DBNDD1: variants seen among roughly 807,000 people sequenced by gnomAD.
DBNDD1 encodes the protein dysbindin domain-containing protein 1.
In DBNDD1, 14 loss-of-function variants were observed where a neutral mutation model predicts 17.0. The observed-to-expected ratio is 0.82, with a 90% CI of 0.54 to 1.29. DBNDD1 has a LOEUF of 1.29. Among genes scored for constraint, DBNDD1 ranks in the 50% most tolerant of loss-of-function variants. The pLI is 0.00. For missense variants in DBNDD1, 221 were observed against 216.2 expected, an observed-to-expected ratio of 1.02 and a Z score of -0.14; for synonymous variants, 105 against 102.0, an observed-to-expected ratio of 1.03 and a Z score of -0.18.
At chr16:90,013,828 C>T (rs1057199351) in intron 1 of DBNDD1, among the ~76,000 whole-genome samples, 3 of 140,572 alleles carry the variant, frequency 2.1e-5, no homozygotes, top group Non-Finnish European at 4.6e-5. Context: ...GTGAGCAGTG[C>T]GGGGCTGTGC....
intron 1 of DBNDD1, among the ~76,000 whole-genome samples, chr16:90,015,259 T>G (rs180736889): frequency 1.3e-5 from 2 of 152,276 alleles, no homozygotes; most frequent in Admixed American, 1.3e-4. Flanking sequence ...ACGAATTTTT[T>G]GGCCAGAAGA....
Position 90,009,342 on chromosome 16 carries a change from C to T in DBNDD1, c.120G>A (p.Glu40=), listed in dbSNP as rs199893398. ...TGDNGHTPVE[E]EVGGIPVPAP... ...CTGGTACTGGGATGCCCCCGACCTC[C>T]TCCTCCACAGGCGTGTGGCCATTGT... Residue 40 remains glutamate, a synonymous_variant, in exon 2 of 4, where the codon GAG becomes GAA. Transcript: ENST00000002501. 5.6e-6 allele frequency: 9 copies of T among 1,613,490 alleles called. No individual in the cohort carries two copies. Among genetic ancestry groups the T allele is most frequent in the Non-Finnish European group, 6.8e-6 (8 of 1,180,026 alleles).
Position 90,005,987 on chromosome 16 carries a change from A to G in DBNDD1, c.*348T>C, listed in dbSNP as rs1487439625. 1.3e-5 allele frequency: 3 copies of G among 228,200 alleles called. No individual in the cohort carries two copies. Among genetic ancestry groups the G allele is most frequent in the Non-Finnish European group, 2.7e-5 (3 of 110,292 alleles). The allele number at this position is 228,200 out of a possible 1,614,324, so 14.1% of individuals were successfully genotyped here. On this transcript the variant is annotated 3_prime_UTR_variant, in exon 4 of 4. Transcript: ENST00000002501. ...GCCGCCGTGGGCCACTCCATTCCTC[A>G]GCACGTTCCTGGCAGTGACTCCGTG...
Position 90,009,292 on chromosome 16 carries a change from TC to T in DBNDD1, c.169del (p.Glu57ArgfsTer6), listed in dbSNP as rs779907376. On this transcript the variant is annotated frameshift_variant, in exon 2 of 4. Transcript: ENST00000002501. LOFTEE classifies it high-confidence loss of function. Reference protein sequence around the residue: ...VPAPGLLQVTERRQPLSSVSS... With the variant: ...VPAPGLLQVTXRRQPLSSVSS... ...CAGGGAGCAGTACTTACGCCTCCTC[TC>T]CGTGACCTGCAGGAGCCCCGGTGCT... 6.2e-7 allele frequency: 1 copy of T among 1,613,302 alleles called. No homozygotes were observed. The highest frequency in any genetic ancestry group is 1.1e-5 in the South Asian group (1 of 91,070).
At position 90,006,298 on chromosome 16, in the gene DBNDD1, C is replaced by T; in HGVS notation, c.*37G>A. On this transcript the variant is annotated 3_prime_UTR_variant, in exon 4 of 4. Coordinates refer to ENST00000002501, the MANE Select transcript of DBNDD1 (RefSeq NM_001042610.3). Reference sequence around the variant, plus strand: ...GCCCAGATCTGCCATCGTGTTCGGACCCCATCCCTGCAGGAGCTGGGGCAG... The same window carrying T: ...GCCCAGATCTGCCATCGTGTTCGGATCCCATCCCTGCAGGAGCTGGGGCAG... The T allele has an allele frequency of 6.3e-7, 1 of 1,579,552 alleles. No individual in the cohort carries two copies. The highest frequency in any genetic ancestry group is 2.3e-5 in the East Asian group (1 of 43,870).
At chr16:90,011,548 C>G (rs1015855011) in intron 1 of DBNDD1, 6 of 409,562 alleles carry the variant, frequency 1.5e-5, no homozygotes, top group Non-Finnish European at 2.5e-5. Context: ...CCCCTCGCCC[C>G]GTCGGCCGTG....
intron 1 of DBNDD1, among the ~76,000 whole-genome samples, chr16:90,011,212 T>A (rs1253393622): frequency 6.6e-6 from 1 of 152,220 alleles, no homozygotes; most frequent in East Asian, 1.9e-4. Flanking sequence ...GCCATGAGGC[T>A]CTTGCTGAGG....
At chr16:90,016,856 A>G (rs1232444200) in intron 1 of DBNDD1, among the ~76,000 whole-genome samples, 2 of 152,242 alleles carry the variant, frequency 1.3e-5, no homozygotes, top group Non-Finnish European at 2.9e-5. Flanking sequence ...GAATGAATGA[A>G]TATCATAAAA....
chr16:90,019,812 G>A (rs935208020), upstream of DBNDD1: 114 of 688,866 alleles, frequency 1.7e-4, no homozygotes, highest in Non-Finnish European at 2.6e-4. This position sits in a 1 kb window ranked among gnomAD's most constrained non-coding sequence, Gnocchi z 6.1. Context: ...CGCCCCTCGG[G>A]GCTGGCGAGG....
At chr16:90,009,044 C>G (rs2035498400) in intron 2 of DBNDD1, 120 bp from the exon 3 acceptor site, 1 of 1,339,836 alleles carries the variant, frequency 7.5e-7, no homozygotes, top group East Asian at 2.5e-5. Flanking sequence ...ACCACAGCTT[C>G]CTGCAAAGCC....
chr16:90,011,346 C>T lies in DBNDD1; in HGVS notation c.32-1916G>A, dbSNP rs141655235. Among the ~76,000 whole-genome samples, 41 of 152,322 alleles carry T rather than the reference C, an allele frequency of 2.7e-4. No individual in the cohort carries two copies. The East Asian group carries it at 7.7e-3, about 29-fold the overall frequency. On this transcript the variant is annotated intron_variant, in intron 1 of 3. Transcript: ENST00000002501. Reference sequence around the variant, plus strand: ...GCCTGGAGCGTCCGTCCCGGTGCACCCCCACCCCTCCCCAGCAGAGCCAAG... The same window carrying T: ...GCCTGGAGCGTCCGTCCCGGTGCACTCCCACCCCTCCCCAGCAGAGCCAAG...
In DBNDD1 at chr16:90,006,066, G is replaced by T; in HGVS notation, c.*269C>A. 2.3e-6 allele frequency: 1 copy of T among 442,128 alleles called. No homozygotes were observed. Among genetic ancestry groups the T allele is most frequent in the Non-Finnish European group, 4.2e-6 (1 of 238,208 alleles). 27.4% of individuals were successfully genotyped at this position (442,128 alleles called of 1,614,324 possible). A position where few individuals can be genotyped will look rare whatever the true frequency, so the allele number is the denominator to read the frequency against. On this transcript the variant is annotated 3_prime_UTR_variant, in exon 4 of 4. Coordinates refer to ENST00000002501, the MANE Select transcript of DBNDD1 (RefSeq NM_001042610.3). ...AACGAGCTGGACGTAAGGCCACTGG[G>T]CTGTGCTTGTGCTGGGGCTCCCAGA...
chr16:90,006,376 G>C lies in DBNDD1; in HGVS notation c.436C>G (p.Leu146Val). The C allele has an allele frequency of 2.5e-6, 4 of 1,609,220 alleles. No individual in the cohort carries two copies. The highest frequency in any genetic ancestry group is 3.4e-6 in the Non-Finnish European group (4 of 1,179,674). Residue 146 changes from leucine to valine, a missense_variant, in exon 4 of 4, where the codon CTG becomes GTG. Physicochemically the swap from Leu to Val is conservative, Grantham distance 32 (BLOSUM62 1). Transcript: ENST00000002501. ...LGDPERQATV[L>V]DTFLTVERPQ... ...CTCTCCACAGTGAGAAACGTGTCCA[G>C]GACTGTGGCCTGCCGCTCGGGGTCG...
chr16:90,011,502 G>C (rs1364263345), intron 1 of DBNDD1: 1 of 369,514 alleles, frequency 2.7e-6, no homozygotes, highest in Admixed American at 3.1e-5. Flanking sequence ...CGAGTGTTAG[G>C]CTGTGCCTGG....
At chr16:90,019,478 G>A, upstream of DBNDD1, 1 of 250,310 alleles carries the variant, frequency 4.0e-6, no homozygotes, top group Non-Finnish European at 6.5e-6. This position sits in a 1 kb window ranked among gnomAD's most constrained non-coding sequence, Gnocchi z 6.1. Context: ...CGCGGCGGCA[G>A]GGAGGAGCCC....
upstream of DBNDD1, chr16:90,019,645 G>C (rs2035740461): frequency 2.3e-6 from 1 of 429,510 alleles, no homozygotes; most frequent in African/African-American, 2.1e-5. This position sits in a 1 kb window ranked among gnomAD's most constrained non-coding sequence, Gnocchi z 6.1. Context: ...TCCCTCGCGG[G>C]CCGCGCCCCG....
At position 90,006,315 on chromosome 16, in the gene DBNDD1, C is replaced by A. The variant is rs369384636; in HGVS notation, c.*20G>T. On this transcript the variant is annotated 3_prime_UTR_variant, in exon 4 of 4. Transcript: ENST00000002501. ...TGTTCGGACCCCATCCCTGCAGGAG[C>A]TGGGGCAGGTGGAGATGGTCTAGTC... 485 of 1,593,400 alleles carry A rather than the reference C, an allele frequency of 3.0e-4. No homozygotes were observed. Among genetic ancestry groups the A allele is most frequent in the Non-Finnish European group, 3.7e-4 (432 of 1,169,672 alleles).
intron 1 of DBNDD1, chr16:90,010,041 C>T (rs1188069736): frequency 6.2e-7 from 1 of 1,614,006 alleles, no homozygotes; most frequent in African/African-American, 1.3e-5. Context: ...TTCCAGGTTT[C>T]TCCCATGTTT....
chr16:90,013,552 G>A (rs867149754), intron 1 of DBNDD1, among the ~76,000 whole-genome samples: 1 of 152,114 alleles, frequency 6.6e-6, no homozygotes, highest in Admixed American at 6.5e-5. Context: ...CCGGTTCAGG[G>A]CCCAGCAGAG....
Sources: gnomAD v4.1 joint callset for allele counts (sites outside exome capture counted in the v4.1 genomes callset) on GRCh38, gnomAD v4.1.1 for gene constraint, Gnocchi (gnomAD v3.1) non-coding constraint, MANE v1.5 for transcripts, NCBI Gene and HGNC (gene_info 2026-07-23, HGNC 2026-07-21) for gene names.